The following AP1S3 variants were observed in gnomAD, a reference collection of about 807,000 sequenced individuals.
The protein encoded by AP1S3 is adaptor related protein complex 1 subunit sigma 3.
Under a neutral mutation model 20.9 loss-of-function variants are expected in AP1S3, and 10 were observed. The ratio of observed to expected loss-of-function variants is 0.48; its 90% confidence interval spans 0.29 to 0.81. AP1S3 has a LOEUF of 0.81. AP1S3 is among the 30% of genes least tolerant of loss of function. AP1S3 has a pLI of 0.08. For synonymous variants in AP1S3, 41 were observed against 61.5 expected, an observed-to-expected ratio of 0.67 and a Z score of 1.56; for missense variants, 154 against 183.8, an observed-to-expected ratio of 0.84 and a Z score of 0.94.
intron 1 of AP1S3, among the ~76,000 whole-genome samples, chr2:223,823,560 T>C (rs916493631): frequency 6.6e-6 from 1 of 151,482 alleles, no homozygotes; most frequent in South Asian, 2.1e-4. Context: ...AGAGAGAGAG[T>C]AGAATAGTGG....
At chr2:223,766,393 AT>A (rs981809482) in intron 3 of AP1S3, among the ~76,000 whole-genome samples, 17 of 152,142 alleles carry the variant, frequency 1.1e-4, no homozygotes, top group Non-Finnish European at 4.4e-5. Context: ...GTTCACTCTG[AT>A]GATACTTTCT....
At chr2:223,764,831 C>G (rs1354391380) in intron 4 of AP1S3, among the ~76,000 whole-genome samples, 1 of 152,118 alleles carries the variant, frequency 6.6e-6, no homozygotes, top group Admixed American at 6.5e-5. Flanking sequence ...GTATTTGATA[C>G]CTTTTTGGCA....
intron 3 of AP1S3, among the ~76,000 whole-genome samples, chr2:223,770,765 T>C (rs1469317092): frequency 7.4e-6 from 1 of 135,836 alleles, no homozygotes; most frequent in Non-Finnish European, 1.5e-5. Flanking sequence ...TCTTACTCCG[T>C]CACCCAGGCT....
intron 4 of AP1S3, among the ~76,000 whole-genome samples, chr2:223,762,482 A>G (rs894402263): frequency 6.6e-6 from 1 of 152,094 alleles, no homozygotes; most frequent in African/African-American, 2.4e-5. Context: ...CATGTTGGCT[A>G]GGCTGGCCTC....
chr2:223,764,168 C>T (rs1177701733), intron 4 of AP1S3, among the ~76,000 whole-genome samples: 1 of 152,006 alleles, frequency 6.6e-6, no homozygotes, highest in African/African-American at 2.4e-5. Context: ...ATCTGCCTGC[C>T]TCGGCCTCCC....
At chr2:223,789,316 G>A (rs951284612) in intron 1 of AP1S3, among the ~76,000 whole-genome samples, 1 of 151,946 alleles carries the variant, frequency 6.6e-6, no homozygotes, top group Admixed American at 6.6e-5. Context: ...GTTCTTAAAA[G>A]TTAAAAACTA....
chr2:223,770,177 T>C, intron 3 of AP1S3: 2 of 1,549,384 alleles, frequency 1.3e-6, no homozygotes, highest in Non-Finnish European at 1.7e-6. Flanking sequence ...TGAAAGAAGG[T>C]ATGAGAAGAA....
At chr2:223,790,689 C>T (rs1691196480) in intron 1 of AP1S3, among the ~76,000 whole-genome samples, 1 of 152,050 alleles carries the variant, frequency 6.6e-6, no homozygotes, top group Non-Finnish European at 1.5e-5. Context: ...GATTTTTACA[C>T]ACATATGTTA....
intron 1 of AP1S3, among the ~76,000 whole-genome samples, chr2:223,818,808 C>A (rs1229610660): frequency 6.6e-6 from 1 of 152,170 alleles, no homozygotes; most frequent in Admixed American, 6.5e-5. Flanking sequence ...CCCACCTTGG[C>A]CTCCCAAAGT....
chr2:223,774,311 G>A (rs1419068159), intron 3 of AP1S3, among the ~76,000 whole-genome samples: 1 of 152,050 alleles, frequency 6.6e-6, no homozygotes, highest in African/African-American at 2.4e-5. Context: ...GTTGCAGTGA[G>A]CAGAGATCGT....
chr2:223,826,600 A>T (rs9678936), intron 1 of AP1S3, among the ~76,000 whole-genome samples: 1 of 77,902 alleles, frequency 1.3e-5, no homozygotes, highest in Admixed American at 1.5e-4. Context: ...CTCAGAAACA[A>T]AACAAAACAA....
intron 1 of AP1S3, among the ~76,000 whole-genome samples, chr2:223,780,655 T>C (rs77582441): frequency 0.023 from 3,535 of 151,836 alleles, 105 homozygotes; most frequent in East Asian, 0.16. Context: ...GGTCTCGAAC[T>C]CCTAGGCTCA....
chr2:223,806,188 T>C (rs1319742121), intron 1 of AP1S3, among the ~76,000 whole-genome samples: 1 of 151,614 alleles, frequency 6.6e-6, no homozygotes, highest in Non-Finnish European at 1.5e-5. Context: ...CAAGCCCAAA[T>C]AACACCTCCT....
At chr2:223,770,823 G>GTTCAAACTA (rs1301748946) in intron 3 of AP1S3, among the ~76,000 whole-genome samples, 62 of 148,202 alleles carry the variant, frequency 4.2e-4, no homozygotes, top group African/African-American at 1.6e-3. Flanking sequence ...TGCCTCCTGG[G>GTTCAAACTA]TTCAAACTAT....
At chr2:223,759,604 G>A (rs1475857926) in intron 4 of AP1S3, among the ~76,000 whole-genome samples, 1 of 152,162 alleles carries the variant, frequency 6.6e-6, no homozygotes, top group South Asian at 2.1e-4. Context: ...TCCTCCCAAA[G>A]TATACAAATT....
At chr2:223,818,042 G>A (rs10180900) in intron 1 of AP1S3, among the ~76,000 whole-genome samples, 49,175 of 151,714 alleles carry the variant, frequency 0.32, 8,560 homozygotes, top group Middle Eastern at 0.43. Flanking sequence ...TAAGTTGTTG[G>A]CAGTTGAAAG....
chr2:223,765,596 G>C (rs1690458615), intron 3 of AP1S3, among the ~76,000 whole-genome samples: 1 of 152,164 alleles, frequency 6.6e-6, no homozygotes, highest in African/African-American at 2.4e-5. Context: ...GGAAATTTGA[G>C]GCTCAGTAAG....
intron 3 of AP1S3, among the ~76,000 whole-genome samples, chr2:223,771,789 T>C (rs941866920): frequency 1.3e-5 from 2 of 152,216 alleles, no homozygotes; most frequent in South Asian, 2.1e-4. Context: ...TAGTAAACTA[T>C]ATAACTACCA....
At chr2:223,788,481 C>T (rs1350053399) in intron 1 of AP1S3, among the ~76,000 whole-genome samples, 19 of 148,122 alleles carry the variant, frequency 1.3e-4, no homozygotes, top group Admixed American at 4.1e-4. Context: ...GGGCTGGGCG[C>T]GGTGGCTCAC....
Sources: gnomAD v4.1 joint callset for allele counts (sites outside exome capture counted in the v4.1 genomes callset) on GRCh38, gnomAD v4.1.1 for gene constraint, MANE v1.5 for transcripts, NCBI Gene and HGNC (gene_info 2026-07-23, HGNC 2026-07-21) for gene names.